The following PPARD variants were observed in gnomAD, a reference collection of about 807,000 sequenced individuals.
PPARD encodes the protein peroxisome proliferator-activated receptor delta.
Under a neutral mutation model 39.5 loss-of-function variants are expected in PPARD, and 6 were observed. That is an observed-to-expected ratio of 0.15 (90% confidence interval 0.08 to 0.30). PPARD has a LOEUF of 0.30. Ranked by LOEUF, PPARD falls within the 10% of genes least tolerant of loss-of-function variation. The pLI, the probability that PPARD is intolerant of heterozygous loss-of-function variation, is 1.00. For synonymous variants in PPARD, 210 were observed against 231.3 expected, an observed-to-expected ratio of 0.91 and a Z score of 0.83; for missense variants, 397 against 596.8, an observed-to-expected ratio of 0.67 and a Z score of 3.49.
At chr6:35,346,868 A>G (rs1189419099) in intron 1 of PPARD, among the ~76,000 whole-genome samples, 199 bp from the exon 2 acceptor site, 2 of 152,252 alleles carry the variant, frequency 1.3e-5, no homozygotes, top group Non-Finnish European at 2.9e-5. Context: ...GGGAGTGAGC[A>G]GACTCCTTCC....
At chr6:35,346,975 TTTGAGTTA>T in intron 1 of PPARD, 84 bp from the exon 2 acceptor site, 5 of 734,798 alleles carry the variant, frequency 6.8e-6, no homozygotes, top group Admixed American at 5.5e-5. Context: ...AGGAACACTC[TTTGAGTTA>T]CGGTGGGTAT....
At chr6:35,360,843 G>T (rs1761888884) in intron 2 of PPARD, among the ~76,000 whole-genome samples, 3 of 152,168 alleles carry the variant, frequency 2.0e-5, no homozygotes, top group South Asian at 4.1e-4. Flanking sequence ...TGGATGCAGG[G>T]GCTGGGGTGC....
intron 3 of PPARD, among the ~76,000 whole-genome samples, chr6:35,413,319 A>G (rs1765550556): frequency 6.6e-6 from 1 of 152,216 alleles, no homozygotes; most frequent in African/African-American, 2.4e-5. Flanking sequence ...GGTACTATGT[A>G]GGCGGTGGTG....
In PPARD at chr6:35,426,080, C is replaced by T. The variant is rs202215344; in HGVS notation, c.*1C>T. 25 of 1,610,328 alleles carry T rather than the reference C, an allele frequency of 1.6e-5. No individual in the cohort carries two copies. Among genetic ancestry groups the T allele is most frequent in the African/African-American group, 1.1e-4 (8 of 74,994 alleles). On this transcript the variant is annotated 3_prime_UTR_variant, in exon 8 of 8. Coordinates refer to ENST00000360694, the MANE Select transcript of PPARD (RefSeq NM_006238.5). ...GGAGATCTACAAGGACATGTACTAACGGCGGCACCCAGGCCTCCCTGCAGA... is the reference window on the plus strand; with the variant it reads ...GGAGATCTACAAGGACATGTACTAATGGCGGCACCCAGGCCTCCCTGCAGA...
At chr6:35,345,038 T>C (rs1256085434) in intron 1 of PPARD, among the ~76,000 whole-genome samples, 1 of 152,210 alleles carries the variant, frequency 6.6e-6, no homozygotes, top group African/African-American at 2.4e-5. Context: ...TCCTCCTTAC[T>C]CTTTTGAGCA....
At chr6:35,365,498 CTT>C (rs113453800) in intron 2 of PPARD, among the ~76,000 whole-genome samples, 5 of 134,582 alleles carry the variant, frequency 3.7e-5, no homozygotes, top group African/African-American at 1.1e-4. Flanking sequence ...CCAGTCTCTT[CTT>C]TTTTTTTTTT....
chr6:35,415,264 GGCT>G (rs1238763937), intron 3 of PPARD, among the ~76,000 whole-genome samples: 4 of 152,194 alleles, frequency 2.6e-5, no homozygotes, highest in Non-Finnish European at 5.9e-5. Context: ...GAAGTAAAGA[GGCT>G]GCTCAGTAAC....
At chr6:35,383,710 G>A (rs1763304671) in intron 2 of PPARD, among the ~76,000 whole-genome samples, 1 of 142,422 alleles carries the variant, frequency 7.0e-6, no homozygotes, top group Non-Finnish European at 1.5e-5. Flanking sequence ...GAGCACCTCT[G>A]CCCGGCCACG....
chr6:35,383,559 G>A (rs964541764), intron 2 of PPARD, among the ~76,000 whole-genome samples: 2 of 145,434 alleles, frequency 1.4e-5, no homozygotes, highest in Admixed American at 6.7e-5. Context: ...GTCTCCGACC[G>A]GCCGCCATCC....
At chr6:35,414,150 A>G (rs1765601633) in intron 3 of PPARD, among the ~76,000 whole-genome samples, 1 of 152,200 alleles carries the variant, frequency 6.6e-6, no homozygotes, top group Non-Finnish European at 1.5e-5. Context: ...AAACTGTGGT[A>G]GAGCCATATG....
chr6:35,407,740 T>C (rs1765150878), intron 2 of PPARD, among the ~76,000 whole-genome samples: 1 of 150,808 alleles, frequency 6.6e-6, no homozygotes, highest in Non-Finnish European at 1.5e-5. Context: ...ATTAGTTTCC[T>C]CTCCATGCCG....
At chr6:35,419,136 C>G (rs1025515189) in intron 3 of PPARD, among the ~76,000 whole-genome samples, 3 of 152,142 alleles carry the variant, frequency 2.0e-5, no homozygotes, top group African/African-American at 7.2e-5. Context: ...GGCTGATTCT[C>G]TGGTTTGGAG....
In PPARD at chr6:35,421,075, C is replaced by T. The variant is rs534853030; in HGVS notation, c.286-745C>T. ...CTCCTGACCTCAGGTGATCCACCTGCCTTGGCCTCCCAAAGTGCTAGGATT... is the reference window on the plus strand; with the variant it reads ...CTCCTGACCTCAGGTGATCCACCTGTCTTGGCCTCCCAAAGTGCTAGGATT... On this transcript the variant is annotated intron_variant, in intron 4 of 7. Transcript: ENST00000360694. Among the ~76,000 whole-genome samples, 19 of 152,116 alleles carry T rather than the reference C, an allele frequency of 1.2e-4. 1 individual carries two copies. The South Asian group carries it at 3.5e-3, about 28-fold the overall frequency.
intron 5 of PPARD, 32 bp from the exon 6 acceptor site, chr6:35,423,914 G>A (rs748176101): frequency 5.6e-6 from 9 of 1,609,826 alleles, no homozygotes; most frequent in Non-Finnish European, 6.8e-6. Context: ...GCCTGCCTGG[G>A]CTCCTTGCTG....
rs201754940 is a variant in PPARD at position 35,424,318 on chromosome 6, C to T, written c.628-11C>T. ...CCCGAGGCCTGATCTCTAACGGGGC[C>T]TGGTTTTCAGCCCTTTGTGATCCAC... is the stretch of plus-strand genomic sequence containing the variant. On this transcript the variant is annotated splice_polypyrimidine_tract_variant and intron_variant, in intron 6 of 7. Transcript: ENST00000360694. This position sits in a 1 kb window ranked among gnomAD's most constrained non-coding sequence, Gnocchi z 7.1. The T allele has an allele frequency of 6.2e-7, 1 of 1,608,764 alleles. No individual in the cohort carries two copies. The highest frequency in any genetic ancestry group is 8.5e-7 in the Non-Finnish European group (1 of 1,175,602).
intron 2 of PPARD, among the ~76,000 whole-genome samples, chr6:35,381,525 G>T (rs557546862): frequency 6.6e-6 from 1 of 152,256 alleles, no homozygotes; most frequent in South Asian, 2.1e-4. Flanking sequence ...CCAACCCCAA[G>T]GTTGTATCAT....
chr6:35,347,296 T>C, intron 2 of PPARD, 146 bp downstream of exon 2: 1 of 926,700 alleles, frequency 1.1e-6, no homozygotes, highest in Non-Finnish European at 1.6e-6. Flanking sequence ...TACCAGTTGC[T>C]TATGCATAGT....
chr6:35,372,524 G>T (rs1425638676), intron 2 of PPARD, among the ~76,000 whole-genome samples: 3 of 152,168 alleles, frequency 2.0e-5, no homozygotes, highest in Non-Finnish European at 2.9e-5. Context: ...TAGCCAAATC[G>T]CTCAACCTAT....
At chr6:35,343,237 T>G (rs1166749249) in intron 1 of PPARD, among the ~76,000 whole-genome samples, 1 of 152,100 alleles carries the variant, frequency 6.6e-6, no homozygotes, top group African/African-American at 2.4e-5. Flanking sequence ...GTCCCCTTCT[T>G]ATCTGTGGTC....
Sources: allele counts gnomAD v4.1 joint callset (sites outside exome capture counted in the v4.1 genomes callset), GRCh38; gene constraint gnomAD v4.1.1; non-coding constraint Gnocchi (gnomAD v3.1); transcripts MANE v1.5; gene names NCBI Gene and HGNC (gene_info 2026-07-23, HGNC 2026-07-21).